VWCE: variants seen among roughly 807,000 people sequenced by gnomAD.
VWCE encodes the protein von Willebrand factor C and EGF domain-containing protein.
VWCE carries 68 observed loss-of-function variants against 102.9 expected under a neutral mutation model. That is an observed-to-expected ratio of 0.66 (90% CI 0.54 to 0.81). The LOEUF is 0.81. Ranked by LOEUF, VWCE falls within the 30% of genes least tolerant of loss-of-function variation. VWCE has a pLI of 0.00. For synonymous variants in VWCE, 497 were observed against 515.4 expected, an observed-to-expected ratio of 0.96 and a Z score of 0.48; for missense variants, 1,137 against 1,263.6, an observed-to-expected ratio of 0.90 and a Z score of 1.52.
At chr11:61,280,433 G>A (rs761463206) in intron 9 of VWCE, among the ~76,000 whole-genome samples, 191 bp downstream of exon 9, 1 of 152,126 alleles carries the variant, frequency 6.6e-6, no homozygotes, top group African/African-American at 2.4e-5. Context: ...TGTTCAAAAC[G>A]CACATGTTCT....
At chr11:61,273,498 G>A (rs533545182) in intron 12 of VWCE, among the ~76,000 whole-genome samples, 182 bp from the exon 13 acceptor site, 1 of 152,280 alleles carries the variant, frequency 6.6e-6, no homozygotes, top group East Asian at 1.9e-4. Flanking sequence ...GTGGGGTGGG[G>A]GGAACTGGGA....
At chr11:61,269,043 A>C in intron 14 of VWCE, 25 bp from the exon 15 acceptor site, 9 of 1,609,528 alleles carry the variant, frequency 5.6e-6, no homozygotes, top group African/African-American at 1.3e-5. Flanking sequence ...AACTTCACCA[A>C]GACCCCACCG....
chr11:61,292,382 G>A (rs1375393970), intron 1 of VWCE, among the ~76,000 whole-genome samples: 1 of 152,124 alleles, frequency 6.6e-6, no homozygotes, highest in Non-Finnish European at 1.5e-5. Flanking sequence ...TACTTCCTGT[G>A]ACATTAGATT....
At chr11:61,265,912 G>A (rs558211492) in intron 16 of VWCE, among the ~76,000 whole-genome samples, 9 of 152,028 alleles carry the variant, frequency 5.9e-5, no homozygotes, top group Non-Finnish European at 1.2e-4. Flanking sequence ...TGGGCGTGGT[G>A]GTGCGCACCT....
At chr11:61,266,063 T>C (rs534578938) in intron 16 of VWCE, among the ~76,000 whole-genome samples, 1 of 151,200 alleles carries the variant, frequency 6.6e-6, no homozygotes, top group South Asian at 2.1e-4. Context: ...AAAAATAAAA[T>C]AAAATAATTA....
rs139441314 is a variant in VWCE, at chr11:61,290,791, C to T, written c.424+8G>A. On this transcript the variant is annotated splice_region_variant and intron_variant, in intron 4 of 19. Coordinates refer to ENST00000335613, the MANE Select transcript of VWCE (RefSeq NM_152718.2). The stretch of plus-strand genomic sequence containing the variant: ...CTCCCCCTCCCCCACCACTCCCAGG[C>T]GTCTCACCTGTACACCTGATGCCAA... The T allele has an allele frequency of 0.014, 23,113 of 1,599,752 alleles. 228 individuals are homozygous for T. The highest frequency in any genetic ancestry group is 0.018 in the Non-Finnish European group (21,014 of 1,171,434).
At chr11:61,270,679 AT>A (rs1415931264) in intron 14 of VWCE, among the ~76,000 whole-genome samples, 1 of 152,178 alleles carries the variant, frequency 6.6e-6, no homozygotes, top group Non-Finnish European at 1.5e-5. Flanking sequence ...AAACATTGCA[AT>A]TTCACAGAAA....
At chr11:61,291,132 G>A in intron 3 of VWCE, 132 bp downstream of exon 3, 1 of 1,220,096 alleles carries the variant, frequency 8.2e-7, no homozygotes, top group Admixed American at 2.9e-5. Flanking sequence ...CTATAAAATG[G>A]GCACAAAATG....
At position 61,294,988 on chromosome 11, in the gene VWCE, G is replaced by C; in HGVS notation, c.50C>G (p.Pro17Arg). Reference sequence around the variant, plus strand: ...GGTGTAGCCTCGGGCTGGTGCCCCCGGCAGCAGGAGCGCGACACAGGCGGC... The same window carrying C: ...GGTGTAGCCTCGGGCTGGTGCCCCCCGCAGCAGGAGCGCGACACAGGCGGC... ...LRAACVALLL[P>R]GAPARGYTGR... Residue 17 changes from proline (P) to arginine (R), a missense_variant, in exon 1 of 20, where the codon CCG becomes CGG. Pro to Arg is a moderately radical substitution (Grantham distance 103). Transcript: ENST00000335613. This position sits in a 1 kb window ranked among gnomAD's most constrained non-coding sequence, Gnocchi z 6.3. 1 of 1,473,672 alleles carries C rather than the reference G, an allele frequency of 6.8e-7. No homozygotes were observed. Among genetic ancestry groups the C allele is most frequent in the Non-Finnish European group, 9.0e-7 (1 of 1,113,816 alleles). The allele number at this position is 1,473,672 out of a possible 1,614,324, so 91.3% of individuals were successfully genotyped here. A position where few individuals can be genotyped will look rare whatever the true frequency, so the allele number is the denominator to read the frequency against.
At chr11:61,272,039 C>T in intron 13 of VWCE, among the ~76,000 whole-genome samples, 1 of 152,274 alleles carries the variant, frequency 6.6e-6, no homozygotes, top group South Asian at 2.1e-4. Flanking sequence ...CATTTGCATA[C>T]ACACACAGAT....
intron 5 of VWCE, among the ~76,000 whole-genome samples, chr11:61,286,064 G>A (rs748590135): frequency 1.3e-5 from 2 of 152,014 alleles, no homozygotes; most frequent in Non-Finnish European, 2.9e-5. Flanking sequence ...AGCAGCAGTC[G>A]GTTCTAACTG....
intron 11 of VWCE, among the ~76,000 whole-genome samples, chr11:61,275,907 G>A (rs536598735): frequency 1.6e-3 from 247 of 152,354 alleles, no homozygotes; most frequent in Non-Finnish European, 2.4e-3. Flanking sequence ...CTGAGCTGAA[G>A]GTGCCTCCTA....
chr11:61,278,323 T>C, intron 10 of VWCE, 71 bp downstream of exon 10: 2 of 1,538,258 alleles, frequency 1.3e-6, no homozygotes. Flanking sequence ...ATCCGGTCTT[T>C]TCCCCTTCCT....
Position 61,294,829 on chromosome 11 carries a change from C to G in VWCE, c.110+99G>C. On this transcript the variant is annotated intron_variant, in intron 1 of 19. Transcript: ENST00000335613. This position sits in a 1 kb window ranked among gnomAD's most constrained non-coding sequence, Gnocchi z 6.3. ...GCACCCCAGAGGAAGCCCCGACACG[C>G]GGCTGCCTGCGGCTCCTGAGCGCCC... is the stretch of plus-strand genomic sequence containing the variant. The G allele has an allele frequency of 7.6e-6, 6 of 784,880 alleles. No homozygotes were observed. The highest frequency in any genetic ancestry group is 1.1e-5 in the Non-Finnish European group (6 of 560,848). 48.6% of individuals were successfully genotyped at this position (784,880 alleles called of 1,614,324 possible). A position where few individuals can be genotyped will look rare whatever the true frequency, so the allele number is the denominator to read the frequency against.
intron 12 of VWCE, 131 bp downstream of exon 12, chr11:61,274,367 CT>C (rs767864110): frequency 3.5e-5 from 28 of 800,050 alleles, no homozygotes; most frequent in Non-Finnish European, 5.6e-5. Flanking sequence ...CCTGTAGTGC[CT>C]TTGCTTCCTC....
At chr11:61,281,608 G>C (rs1052364617) in intron 7 of VWCE, among the ~76,000 whole-genome samples, 178 bp downstream of exon 7, 12 of 151,946 alleles carry the variant, frequency 7.9e-5, no homozygotes, top group Admixed American at 6.6e-4. Context: ...GGGCAGAGCA[G>C]AAAGGGAGCC....
chr11:61,276,550 A>G, intron 11 of VWCE, 43 bp downstream of exon 11: 1 of 171,674 alleles, frequency 5.8e-6, no homozygotes, highest in Non-Finnish European at 1.1e-5. Context: ...CAAAAAATCT[A>G]AAAAAAAAAA....
At chr11:61,270,663 T>G (rs1045478136) in intron 14 of VWCE, among the ~76,000 whole-genome samples, 1 of 152,280 alleles carries the variant, frequency 6.6e-6, no homozygotes. Flanking sequence ...TTTGCAGTCA[T>G]GAAGAAAACA....
intron 19 of VWCE, 148 bp from the exon 20 acceptor site, chr11:61,259,460 G>A: frequency 9.4e-7 from 1 of 1,060,262 alleles, no homozygotes; most frequent in Non-Finnish European, 1.3e-6. Context: ...CCTGCCTCCA[G>A]GAAGGGAAGA....
Sources: allele counts gnomAD v4.1 joint callset (sites outside exome capture counted in the v4.1 genomes callset), GRCh38; gene constraint gnomAD v4.1.1; non-coding constraint Gnocchi (gnomAD v3.1); transcripts MANE v1.5; gene names NCBI Gene and HGNC (gene_info 2026-07-23, HGNC 2026-07-21).